The following COL23A1 variants were observed in gnomAD, a reference collection of about 807,000 sequenced individuals.
COL23A1 encodes the protein collagen type XXIII alpha 1 chain.
COL23A1 carries 97 observed loss-of-function variants against 99.3 expected under a neutral mutation model. The ratio of observed to expected loss-of-function variants is 0.98; its 90% CI spans 0.83 to 1.16. The LOEUF (loss-of-function observed/expected upper bound fraction) is 1.16, where lower values mean the gene tolerates loss of function less well. Ranked by LOEUF, COL23A1 falls within the 50% of genes most tolerant of loss-of-function variation. The pLI, the probability that COL23A1 is intolerant of heterozygous loss-of-function variation, is 0.00. For missense variants in COL23A1, 762 were observed against 757.4 expected (o/e 1.01, Z -0.07); for synonymous variants, 320 against 308.2 (o/e 1.04, Z -0.40).
chr5:178,429,196 C>T (rs928119424), intron 2 of COL23A1, among the ~76,000 whole-genome samples: 2 of 152,088 alleles, frequency 1.3e-5, no homozygotes, highest in Admixed American at 6.5e-5. Context: ...ATGGGGCATG[C>T]GCCTCGGGAA....
At chr5:178,263,144 T>A (rs1765724533) in intron 9 of COL23A1, 64 bp downstream of exon 9, 2 of 1,181,304 alleles carry the variant, frequency 1.7e-6, no homozygotes, top group Non-Finnish European at 2.5e-6. Context: ...TGGGGCTGGC[T>A]CTGGAATCAG....
intron 2 of COL23A1, among the ~76,000 whole-genome samples, chr5:178,426,460 T>A (rs1765941285): frequency 6.6e-6 from 1 of 152,226 alleles, no homozygotes; most frequent in South Asian, 2.1e-4. Context: ...TCGTGCACAC[T>A]CCCACGCATG....
At chr5:178,485,555 C>G (rs1311994426) in intron 2 of COL23A1, among the ~76,000 whole-genome samples, 3 of 149,500 alleles carry the variant, frequency 2.0e-5, no homozygotes, top group Non-Finnish European at 4.5e-5. Flanking sequence ...GGCAGACCAC[C>G]TGACGTCAGG....
chr5:178,383,362 C>A (rs1008836430), intron 2 of COL23A1, among the ~76,000 whole-genome samples: 1 of 152,220 alleles, frequency 6.6e-6, no homozygotes, highest in African/African-American at 2.4e-5. Flanking sequence ...CAGCCCTGAC[C>A]CAGTCTGTGG....
At chr5:178,372,577 T>C (rs920198397) in intron 2 of COL23A1, among the ~76,000 whole-genome samples, 1 of 152,160 alleles carries the variant, frequency 6.6e-6, no homozygotes, top group Non-Finnish European at 1.5e-5. Flanking sequence ...TTCCGATTTC[T>C]TTTTTCCTTT....
chr5:178,425,422 A>AAAT (rs1561960883), intron 2 of COL23A1, among the ~76,000 whole-genome samples: 40 of 143,008 alleles, frequency 2.8e-4, no homozygotes, highest in Non-Finnish European at 4.6e-4. Flanking sequence ...ACTCCATCTC[A>AAAT]AAATAAATAA....
At chr5:178,463,642 C>A (rs1187050990) in intron 2 of COL23A1, among the ~76,000 whole-genome samples, 2 of 152,202 alleles carry the variant, frequency 1.3e-5, no homozygotes, top group Non-Finnish European at 2.9e-5. Flanking sequence ...TGAACTCACT[C>A]CGTCACACAG....
At chr5:178,358,666 GTCTAA>G (rs1245122658) in intron 2 of COL23A1, among the ~76,000 whole-genome samples, 11 of 106,618 alleles carry the variant, frequency 1.0e-4, no homozygotes, top group African/African-American at 4.2e-4. Context: ...GTGTGTATGT[GTCTAA>G]TGTGTATGTG....
At chr5:178,536,852 C>G (rs1055100974) in intron 2 of COL23A1, among the ~76,000 whole-genome samples, 1 of 152,160 alleles carries the variant, frequency 6.6e-6, no homozygotes, top group African/African-American at 2.4e-5. Context: ...CAGATGTGAG[C>G]TTTTGGCAGC....
At chr5:178,455,355 C>T (rs1255549211) in intron 2 of COL23A1, among the ~76,000 whole-genome samples, 1 of 152,184 alleles carries the variant, frequency 6.6e-6, no homozygotes, top group African/African-American at 2.4e-5. Context: ...CAGGCACCAG[C>T]ATGGGAGGGC....
At chr5:178,484,035 G>A (rs142978424) in intron 2 of COL23A1, among the ~76,000 whole-genome samples, 2,262 of 152,098 alleles carry the variant, frequency 0.015, 56 homozygotes, top group Admixed American at 0.066. Context: ...AGGTTCAAGC[G>A]ATTCTCCTGC....
At chr5:178,394,748 AG>A (rs1430940049) in intron 2 of COL23A1, among the ~76,000 whole-genome samples, 1 of 151,510 alleles carries the variant, frequency 6.6e-6, no homozygotes, top group Admixed American at 6.6e-5. Flanking sequence ...ATGCCTCCCC[AG>A]GGTCACAAGT....
At chr5:178,383,859 G>A (rs1763516719) in intron 2 of COL23A1, among the ~76,000 whole-genome samples, 1 of 145,522 alleles carries the variant, frequency 6.9e-6, no homozygotes, top group Admixed American at 6.9e-5. Context: ...CATGGTAAAA[G>A]CAAACCTTAC....
chr5:178,408,954 TCA>T (rs1491546059), intron 2 of COL23A1, among the ~76,000 whole-genome samples: 2 of 50,484 alleles, frequency 4.0e-5, no homozygotes, highest in South Asian at 6.4e-4. Context: ...AAACTCTGTC[TCA>T]AAAAAAAAAA....
chr5:178,406,035 G>A (rs201770141), intron 2 of COL23A1, among the ~76,000 whole-genome samples: 11 of 152,086 alleles, frequency 7.2e-5, no homozygotes, highest in East Asian at 5.8e-4. Context: ...CCTGGGAGGC[G>A]GAGGCTGCAG....
intron 2 of COL23A1, among the ~76,000 whole-genome samples, chr5:178,510,673 TAAAATAA>T (rs774531353): frequency 6.6e-6 from 1 of 150,386 alleles, no homozygotes; most frequent in African/African-American, 2.5e-5. Flanking sequence ...ACAATAATAA[TAAAATAA>T]AAAATAAAAA....
chr5:178,500,537 C>T (rs1247539499), intron 2 of COL23A1, among the ~76,000 whole-genome samples: 5 of 149,920 alleles, frequency 3.3e-5, no homozygotes, highest in African/African-American at 9.8e-5. Context: ...CCCAGGAGTT[C>T]GAGGTAGTAG....
At chr5:178,498,035 A>C (rs541763112) in intron 2 of COL23A1, among the ~76,000 whole-genome samples, 1 of 151,388 alleles carries the variant, frequency 6.6e-6, no homozygotes, top group South Asian at 2.1e-4. Context: ...TATGTACAAC[A>C]ACAGTACCCA....
At chr5:178,562,708 C>G (rs1581644417) in intron 1 of COL23A1, 1 of 141,712 alleles carries the variant, frequency 7.1e-6, no homozygotes, top group Non-Finnish European at 1.5e-5. Context: ...GTGAGGGACC[C>G]ACGCAGGTTG....
Sources: gnomAD v4.1 joint callset for allele counts (sites outside exome capture counted in the v4.1 genomes callset) on GRCh38, gnomAD v4.1.1 for gene constraint, MANE v1.5 for transcripts, NCBI Gene and HGNC (gene_info 2026-07-23, HGNC 2026-07-21) for gene names.